The following DOP1B variants were observed in gnomAD, a reference collection of about 807,000 sequenced individuals.
DOP1B encodes DOP1 leucine zipper like protein B, also known as protein DOP1B.
A neutral mutation model predicts 233.5 loss-of-function variants in DOP1B; 174 were observed. The ratio of observed to expected loss-of-function variants is 0.75; its 90% CI spans 0.66 to 0.85. The LOEUF (loss-of-function observed/expected upper bound fraction) is 0.85. DOP1B is among the 40% of genes least tolerant of loss of function. The pLI is 0.00. For missense variants in DOP1B, 2,652 were observed against 2,846.6 expected, an observed-to-expected ratio of 0.93 and a Z score of 1.56; for synonymous variants, 1,190 against 1,185.6, an observed-to-expected ratio of 1.00 and a Z score of -0.08.
intron 1 of DOP1B, among the ~76,000 whole-genome samples, chr21:36,162,157 A>C (rs1442559255): frequency 6.6e-6 from 1 of 152,164 alleles, no homozygotes; most frequent in Non-Finnish European, 1.5e-5. Context: ...CTGTATCCTC[A>C]CAGTGGAAAG....
chr21:36,164,225 G>T (rs768805458), intron 1 of DOP1B, among the ~76,000 whole-genome samples: 23 of 152,174 alleles, frequency 1.5e-4, no homozygotes, highest in Non-Finnish European at 3.2e-4. Flanking sequence ...AGGCTGAGGT[G>T]GAAGGAAGGA....
At chr21:36,203,765 T>C (rs985737761) in intron 4 of DOP1B, among the ~76,000 whole-genome samples, 1 of 152,094 alleles carries the variant, frequency 6.6e-6, no homozygotes, top group African/African-American at 2.4e-5. Flanking sequence ...GTGTGTGCTT[T>C]TTAGTGAACC....
intron 35 of DOP1B, among the ~76,000 whole-genome samples, chr21:36,290,729 G>T (rs565385096): frequency 3.3e-5 from 5 of 151,754 alleles, no homozygotes; most frequent in East Asian, 2.0e-4. Context: ...GGCAGAGGTT[G>T]CAGTGAGCCA....
intron 24 of DOP1B, chr21:36,261,380 A>G: frequency 1.0e-6 from 1 of 996,282 alleles, no homozygotes; most frequent in Non-Finnish European, 1.2e-6. Flanking sequence ...AAAAAAAAAA[A>G]AAAAGGCAAA....
In DOP1B at chr21:36,214,557, G is replaced by A. The variant is rs764190512; in HGVS notation, c.1129+1G>A. The A allele has an allele frequency of 3.1e-6, 5 of 1,613,254 alleles. No individual in the cohort carries two copies. The Admixed American group carries it at 5.0e-5, about 16-fold the overall frequency. ...AGTCTGCTTGACAAGCCAGAAATAGGTAATGTTAGAAATGCTGCTTCTATC... is the reference window on the plus strand; with the variant it reads ...AGTCTGCTTGACAAGCCAGAAATAGATAATGTTAGAAATGCTGCTTCTATC... On this transcript the variant is annotated splice_donor_variant, in intron 9 of 36. Coordinates refer to ENST00000691173, the MANE Select transcript of DOP1B (RefSeq NM_001320714.2). LOFTEE classifies it high-confidence loss of function.
chr21:36,174,450 T>TGCACTCCA (rs1218840758), intron 2 of DOP1B, among the ~76,000 whole-genome samples: 2 of 152,202 alleles, frequency 1.3e-5, no homozygotes, highest in South Asian at 2.1e-4. Context: ...ATTGCACCAC[T>TGCACTCCA]GCACTCCAGC....
intron 2 of DOP1B, among the ~76,000 whole-genome samples, chr21:36,183,090 G>A (rs1298136545): frequency 6.6e-6 from 1 of 152,156 alleles, no homozygotes; most frequent in Non-Finnish European, 1.5e-5. Flanking sequence ...GCTGTTTACA[G>A]ATGCAGTCAT....
At chr21:36,207,499 GTTTTTT>G (rs1164791099) in intron 4 of DOP1B, among the ~76,000 whole-genome samples, 3 of 89,628 alleles carry the variant, frequency 3.3e-5, no homozygotes, top group African/African-American at 9.4e-5. Flanking sequence ...AGTTTTTTTT[GTTTTTT>G]TTTTTTTTTT....
chr21:36,233,207 G>A (rs2066788462), intron 15 of DOP1B, 132 bp downstream of exon 15: 3 of 1,212,288 alleles, frequency 2.5e-6, no homozygotes, highest in African/African-American at 1.5e-5. Context: ...CTGGGCAGAG[G>A]CAGTAGCCTT....
chr21:36,280,957 G>A (rs1037409687), intron 31 of DOP1B, among the ~76,000 whole-genome samples: 2 of 151,552 alleles, frequency 1.3e-5, no homozygotes, highest in South Asian at 2.1e-4. Context: ...AGCCAAGATC[G>A]TGCCACTGCA....
chr21:36,232,705 G>A, intron 14 of DOP1B, 99 bp from the exon 15 acceptor site: 1 of 1,528,228 alleles, frequency 6.5e-7, no homozygotes, highest in Non-Finnish European at 8.9e-7. Flanking sequence ...GATTTCTCAG[G>A]TAACTTCCCA....
At position 36,253,831 on chromosome 21, in the gene DOP1B, C is replaced by T. The variant is rs1398384077; in HGVS notation, c.5181C>T (p.Ser1727=). The T allele has an allele frequency of 6.2e-7, 1 of 1,614,020 alleles. No homozygotes were observed. Among genetic ancestry groups the T allele is most frequent in the South Asian group, 1.1e-5 (1 of 91,078 alleles). ...LTLVDLVCAL[S]TLQTDTLLHL... ...TTGTCGACTTGGTGTGTGCACTCAGCACCCTGCAGACTGACACGCTGCTGC... is the reference window on the plus strand; with the variant it reads ...TTGTCGACTTGGTGTGTGCACTCAGTACCCTGCAGACTGACACGCTGCTGC... Residue 1727 remains serine (S), a synonymous_variant, in exon 23 of 37, where the codon AGC becomes AGT. Coordinates refer to ENST00000691173, the MANE Select transcript of DOP1B (RefSeq NM_001320714.2).
intron 24 of DOP1B, chr21:36,260,944 G>T: frequency 7.4e-7 from 1 of 1,358,658 alleles, no homozygotes; most frequent in Non-Finnish European, 9.4e-7. Context: ...AGCGTACTTT[G>T]AACACTTTAT....
chr21:36,288,552 G>A (rs138230545), intron 33 of DOP1B, among the ~76,000 whole-genome samples: 1 of 152,130 alleles, frequency 6.6e-6, no homozygotes, highest in African/African-American at 2.4e-5. Context: ...AAATTAATTC[G>A]GCATGGCGGG....
At chr21:36,190,110 G>A (rs2066214303) in intron 2 of DOP1B, among the ~76,000 whole-genome samples, 1 of 147,328 alleles carries the variant, frequency 6.8e-6, no homozygotes, top group African/African-American at 2.4e-5. Flanking sequence ...CTGAGGTCAG[G>A]AATTCGAGAC....
intron 28 of DOP1B, among the ~76,000 whole-genome samples, chr21:36,277,723 C>T (rs191306762): frequency 2.0e-3 from 308 of 151,556 alleles, no homozygotes; most frequent in Middle Eastern, 6.8e-3. Context: ...GGCGTGATCT[C>T]GGCTCACTGC....
At chr21:36,272,660 A>AG (rs1160628935) in intron 27 of DOP1B, among the ~76,000 whole-genome samples, 3 of 147,414 alleles carry the variant, frequency 2.0e-5, no homozygotes, top group African/African-American at 7.5e-5. Flanking sequence ...AAAAAAAAAA[A>AG]AAAAAAAGGA....
At chr21:36,198,281 TAGTC>T (rs201729421) in intron 2 of DOP1B, among the ~76,000 whole-genome samples, 5,894 of 151,724 alleles carry the variant, frequency 0.039, 165 homozygotes, top group Non-Finnish European at 0.055. Context: ...TACAAAAAAT[TAGTC>T]AGGCATGGTG....
chr21:36,270,202 G>A, intron 27 of DOP1B, 45 bp downstream of exon 27: 1 of 1,589,566 alleles, frequency 6.3e-7, no homozygotes, highest in South Asian at 1.1e-5. Flanking sequence ...GTCAGCGCGT[G>A]GTTCTGGCTT....
Sources: allele counts gnomAD v4.1 joint callset (sites outside exome capture counted in the v4.1 genomes callset), GRCh38; gene constraint gnomAD v4.1.1; transcripts MANE v1.5; gene names NCBI Gene and HGNC (gene_info 2026-07-23, HGNC 2026-07-21).